Variants in NTNG1 observed in about 807,000 individuals in gnomAD.
The protein encoded by NTNG1 is netrin G1.
In NTNG1, 16 loss-of-function variants were observed where a neutral mutation model predicts 54.0. That is an observed-to-expected ratio of 0.30 (90% confidence interval 0.20 to 0.45). The LOEUF (loss-of-function observed/expected upper bound fraction) is 0.45, where lower values mean the gene tolerates loss of function less well. Ranked by LOEUF, NTNG1 falls within the 20% of genes least tolerant of loss-of-function variation. The pLI is 1.00. For synonymous variants in NTNG1, 255 were observed against 263.1 expected (o/e 0.97, Z 0.30); for missense variants, 530 against 678.7 (o/e 0.78, Z 2.43).
chr1:107,241,415 C>T (rs1358077224), intron 2 of NTNG1, among the ~76,000 whole-genome samples: 2 of 152,126 alleles, frequency 1.3e-5, no homozygotes, highest in Admixed American at 6.5e-5. Context: ...ATTTACTATA[C>T]AGAAAAAAAT....
intron 2 of NTNG1, among the ~76,000 whole-genome samples, chr1:107,276,822 T>C (rs1257564146): frequency 7.1e-6 from 1 of 141,334 alleles, no homozygotes; most frequent in African/African-American, 3.1e-5. Context: ...ATTTAAATTT[T>C]CTTCTTTTTT....
intron 2 of NTNG1, among the ~76,000 whole-genome samples, chr1:107,214,365 C>T (rs1008772701): frequency 2.6e-5 from 4 of 152,050 alleles, no homozygotes; most frequent in South Asian, 2.1e-4. Context: ...TGAGAAGATA[C>T]GATGTTTGAT....
intron 2 of NTNG1, among the ~76,000 whole-genome samples, chr1:107,253,998 C>T (rs957535638): frequency 6.6e-6 from 1 of 152,108 alleles, no homozygotes; most frequent in Non-Finnish European, 1.5e-5. Flanking sequence ...GTAGTATGTT[C>T]GTTAAGTGGT....
At chr1:107,416,090 A>G (rs1674178476) in intron 5 of NTNG1, among the ~76,000 whole-genome samples, 3 of 152,286 alleles carry the variant, frequency 2.0e-5, no homozygotes, top group East Asian at 1.9e-4. Flanking sequence ...GTTAAAATGT[A>G]TATGTGCAGT....
At chr1:107,475,734 C>T (rs1415320282) in intron 7 of NTNG1, among the ~76,000 whole-genome samples, 4 of 152,162 alleles carry the variant, frequency 2.6e-5, no homozygotes, top group Non-Finnish European at 4.4e-5. Context: ...CAGGCCTTAT[C>T]GTTTTATCTT....
At chr1:107,253,496 G>C (rs76374176) in intron 2 of NTNG1, among the ~76,000 whole-genome samples, 1,910 of 152,232 alleles carry the variant, frequency 0.013, 35 homozygotes, top group African/African-American at 0.043. Context: ...GCCAACTCTT[G>C]TAACCAATTT....
intron 2 of NTNG1, among the ~76,000 whole-genome samples, chr1:107,197,096 T>C (rs775359888): frequency 3.9e-5 from 6 of 152,198 alleles, no homozygotes; most frequent in Middle Eastern, 3.4e-3. Context: ...ATTTATTGTT[T>C]ATGTGAAACA....
At chr1:107,184,407 G>A (rs1193854438) in intron 2 of NTNG1, among the ~76,000 whole-genome samples, 1 of 152,098 alleles carries the variant, frequency 6.6e-6, no homozygotes, top group Non-Finnish European at 1.5e-5. Flanking sequence ...AACTTTCTGA[G>A]TTATTCTTCC....
At chr1:107,207,593 T>G (rs745717150) in intron 2 of NTNG1, among the ~76,000 whole-genome samples, 1 of 152,222 alleles carries the variant, frequency 6.6e-6, no homozygotes, top group Non-Finnish European at 1.5e-5. Flanking sequence ...AACTACATTA[T>G]GTTTAGTACC....
intron 3 of NTNG1, among the ~76,000 whole-genome samples, chr1:107,342,078 G>A (rs979784637): frequency 1.3e-5 from 2 of 152,016 alleles, no homozygotes; most frequent in African/African-American, 4.8e-5. Flanking sequence ...GTCACTATAA[G>A]TCACTTTTTG....
intron 7 of NTNG1, among the ~76,000 whole-genome samples, chr1:107,466,951 T>C (rs1248171335): frequency 1.3e-5 from 2 of 152,182 alleles, no homozygotes; most frequent in Non-Finnish European, 2.9e-5. Flanking sequence ...AGATCTGTTC[T>C]CACTCAAATA....
chr1:107,177,785 T>G (rs1213579652), intron 2 of NTNG1, among the ~76,000 whole-genome samples: 1 of 152,238 alleles, frequency 6.6e-6, no homozygotes, highest in African/African-American at 2.4e-5. Flanking sequence ...TTATATAAAT[T>G]GCCTTTTTTC....
chr1:107,235,288 C>A (rs948417753), intron 2 of NTNG1, among the ~76,000 whole-genome samples: 2 of 151,846 alleles, frequency 1.3e-5, no homozygotes, highest in Admixed American at 1.3e-4. Context: ...CATGGACCCA[C>A]TGGACTTTTT....
At chr1:107,170,958 G>A (rs544950760) in intron 2 of NTNG1, among the ~76,000 whole-genome samples, 9 of 152,020 alleles carry the variant, frequency 5.9e-5, no homozygotes, top group South Asian at 4.1e-4. Context: ...TTATAGCATC[G>A]TACAAATATT....
chr1:107,467,989 G>C (rs1183452203), intron 7 of NTNG1, among the ~76,000 whole-genome samples: 1 of 152,048 alleles, frequency 6.6e-6, no homozygotes, highest in Non-Finnish European at 1.5e-5. Flanking sequence ...CATTAACAGG[G>C]AAATGGCTTT....
chr1:107,393,618 G>C (rs537917067), intron 3 of NTNG1, among the ~76,000 whole-genome samples: 1 of 151,634 alleles, frequency 6.6e-6, no homozygotes. Flanking sequence ...ATAGACCCCC[G>C]AGAAAGCTGT....
chr1:107,381,260 C>G (rs1671627325), intron 3 of NTNG1, among the ~76,000 whole-genome samples: 1 of 144,502 alleles, frequency 6.9e-6, no homozygotes, highest in African/African-American at 2.6e-5. Context: ...AAGTCACTAG[C>G]CTAAGGTCAA....
At chr1:107,216,443 C>G (rs1427539799) in intron 2 of NTNG1, among the ~76,000 whole-genome samples, 7 of 152,058 alleles carry the variant, frequency 4.6e-5, no homozygotes, top group African/African-American at 1.7e-4. Flanking sequence ...ATCTGATATA[C>G]CACATTTATT....
intron 2 of NTNG1, among the ~76,000 whole-genome samples, chr1:107,287,494 T>A (rs961282879): frequency 6.6e-6 from 1 of 152,130 alleles, no homozygotes; most frequent in African/African-American, 2.4e-5. Context: ...GTGCCTGTAG[T>A]CCCGACTACT....
Sources: allele counts gnomAD v4.1 joint callset (sites outside exome capture counted in the v4.1 genomes callset), GRCh38; gene constraint gnomAD v4.1.1; transcripts MANE v1.5; gene names NCBI Gene and HGNC (gene_info 2026-07-23, HGNC 2026-07-21).